NAA15: variants seen among roughly 807,000 people sequenced by gnomAD.
NAA15 encodes N-terminal acetyltransferase.
NAA15 carries 34 observed loss-of-function variants against 114.0 expected under a neutral mutation model. That is an observed-to-expected ratio of 0.30 (90% confidence interval 0.23 to 0.40). NAA15 has a LOEUF of 0.40. NAA15 is among the 10% of genes least tolerant of loss of function. The pLI, the probability that NAA15 is intolerant of heterozygous loss-of-function variation, is 1.00. For synonymous variants in NAA15, 340 were observed against 338.0 expected (o/e 1.01, Z -0.06); for missense variants, 658 against 1,004.5 (o/e 0.66, Z 4.66).
intron 14 of NAA15, among the ~76,000 whole-genome samples, chr4:139,365,806 G>C (rs985764598): frequency 5.3e-5 from 8 of 152,088 alleles, no homozygotes; most frequent in African/African-American, 1.9e-4. Flanking sequence ...AACCATGTTT[G>C]CCACTACACT....
intron 9 of NAA15, among the ~76,000 whole-genome samples, chr4:139,351,984 C>A (rs1035934914): frequency 2.0e-5 from 3 of 151,330 alleles, no homozygotes; most frequent in Non-Finnish European, 4.4e-5. Context: ...AGTCTTCTTT[C>A]TCCTTTTTAA....
chr4:139,382,043 G>A (rs1227384515), intron 17 of NAA15, among the ~76,000 whole-genome samples: 13 of 152,014 alleles, frequency 8.6e-5, no homozygotes. Context: ...CACATTCAAA[G>A]GCTTTTTAGA....
chr4:139,308,162 C>G (rs796137253), intron 1 of NAA15, among the ~76,000 whole-genome samples: 2 of 151,952 alleles, frequency 1.3e-5, no homozygotes, highest in African/African-American at 4.8e-5. Context: ...GGGGTTTCAC[C>G]GTGTTAGCCA....
At chr4:139,384,790 C>T in intron 17 of NAA15, 42 bp from the exon 18 acceptor site, 1 of 1,257,986 alleles carries the variant, frequency 7.9e-7, no homozygotes. Flanking sequence ...TAAACTTTAT[C>T]AGAGTATTCA....
chr4:139,355,344 T>C (rs1747915457), intron 10 of NAA15, among the ~76,000 whole-genome samples: 1 of 152,192 alleles, frequency 6.6e-6, no homozygotes, highest in South Asian at 2.1e-4. Context: ...TAAACTCTTT[T>C]TATCTTTTGG....
chr4:139,318,114 CAAAGAT>C (rs1746473774), intron 1 of NAA15, among the ~76,000 whole-genome samples: 1 of 152,110 alleles, frequency 6.6e-6, no homozygotes, highest in Non-Finnish European at 1.5e-5. Flanking sequence ...CCAAAACTTC[CAAAGAT>C]AAAGACCAAT....
intron 1 of NAA15, among the ~76,000 whole-genome samples, chr4:139,308,988 A>G (rs964828548): frequency 1.1e-4 from 17 of 152,146 alleles, no homozygotes; most frequent in African/African-American, 4.1e-4. Flanking sequence ...CAGTTTTGCT[A>G]TTTTATATAT....
chr4:139,356,739 A>G (rs919277666), intron 10 of NAA15, among the ~76,000 whole-genome samples: 2 of 152,194 alleles, frequency 1.3e-5, no homozygotes, highest in African/African-American at 4.8e-5. Context: ...TGTGGGTTGT[A>G]TATTTAACTT....
intron 2 of NAA15, among the ~76,000 whole-genome samples, chr4:139,335,149 G>A (rs1747154298): frequency 1.3e-5 from 2 of 151,966 alleles, no homozygotes; most frequent in Admixed American, 1.3e-4. Flanking sequence ...GCGGGACCTT[G>A]TCTTTATTAT....
chr4:139,352,698 A>C (rs1747820204), intron 9 of NAA15, among the ~76,000 whole-genome samples: 1 of 102,802 alleles, frequency 9.7e-6, no homozygotes, highest in Non-Finnish European at 1.8e-5. Context: ...ACGGAGTTTC[A>C]CTCTTGTCGC....
chr4:139,347,237 A>G (rs1178783141), intron 6 of NAA15, among the ~76,000 whole-genome samples: 2 of 152,140 alleles, frequency 1.3e-5, no homozygotes, highest in African/African-American at 2.4e-5. Context: ...TTTAGATGCC[A>G]GTAGTACTCA....
At chr4:139,363,791 A>G (rs1366305424) in intron 14 of NAA15, among the ~76,000 whole-genome samples, 1 of 152,158 alleles carries the variant, frequency 6.6e-6, no homozygotes. Context: ...TTTATTTTAC[A>G]TTATTGCCAG....
chr4:139,323,297 T>G (rs181785975), intron 1 of NAA15, among the ~76,000 whole-genome samples: 23 of 152,280 alleles, frequency 1.5e-4, no homozygotes, highest in African/African-American at 5.3e-4. Flanking sequence ...CCTCAGGTGA[T>G]GCACCTTGGC....
chr4:139,372,936 G>T (rs1748483009), intron 15 of NAA15, among the ~76,000 whole-genome samples: 1 of 152,016 alleles, frequency 6.6e-6, no homozygotes, highest in South Asian at 2.1e-4. Context: ...ACCCAGGCTA[G>T]AGTGCAGTGG....
At chr4:139,315,834 C>G (rs1426873074) in intron 1 of NAA15, among the ~76,000 whole-genome samples, 1 of 149,094 alleles carries the variant, frequency 6.7e-6, no homozygotes, top group Non-Finnish European at 1.5e-5. Flanking sequence ...TCATTAGTTA[C>G]CTTTATATTA....
In NAA15 at chr4:139,321,141, A is replaced by C. The variant is rs149215756; in HGVS notation, c.55-13033A>C. ...GTATTTTTTCTTTTGCCAAAGCCAA[A>C]TATTTCTAATTTTTTTCTATTTAAT... On this transcript the variant is annotated intron_variant, in intron 1 of 19. Transcript: ENST00000296543. Among the ~76,000 whole-genome samples the C allele has an allele frequency of 1.1e-3, 164 of 151,840 alleles. 1 individual carries two copies. Among genetic ancestry groups the C allele is most frequent in the African/African-American group, 3.5e-3 (147 of 41,446 alleles).
intron 1 of NAA15, among the ~76,000 whole-genome samples, chr4:139,332,452 T>C (rs1267868949): frequency 6.6e-6 from 1 of 151,852 alleles, no homozygotes. Context: ...TTTAAAAAAT[T>C]TATCCTAATT....
intron 1 of NAA15, among the ~76,000 whole-genome samples, chr4:139,328,573 CTT>C (rs56025831): frequency 1.5e-5 from 2 of 132,378 alleles, no homozygotes; most frequent in African/African-American, 2.8e-5. Flanking sequence ...TCTTTCTTTT[CTT>C]TTTTTTTTTT....
chr4:139,322,726 C>T (rs1429900634), intron 1 of NAA15, among the ~76,000 whole-genome samples: 8 of 152,128 alleles, frequency 5.3e-5, no homozygotes, highest in Non-Finnish European at 1.0e-4. Context: ...GAGTCTTGCT[C>T]TGTTGCCCAG....
Sources: allele counts gnomAD v4.1 joint callset (sites outside exome capture counted in the v4.1 genomes callset), GRCh38; gene constraint gnomAD v4.1.1; transcripts MANE v1.5; gene names NCBI Gene and HGNC (gene_info 2026-07-23, HGNC 2026-07-21).